Variants in POLE2 observed in about 807,000 individuals in gnomAD.
POLE2 encodes the protein DNA polymerase epsilon subunit 2.
POLE2 carries 56 observed loss-of-function variants against 79.4 expected under a neutral mutation model. The ratio of observed to expected loss-of-function variants is 0.71; its 90% CI spans 0.57 to 0.88. The LOEUF is 0.88. Ranked by LOEUF, POLE2 falls within the 40% of genes least tolerant of loss-of-function variation. The pLI is 0.00. For synonymous variants in POLE2, 212 were observed against 214.0 expected, an observed-to-expected ratio of 0.99 and a Z score of 0.08; for missense variants, 598 against 638.9, an observed-to-expected ratio of 0.94 and a Z score of 0.69.
chr14:49,646,320 T>TTTC (rs1566522699), intron 18 of POLE2, among the ~76,000 whole-genome samples: 2 of 92,902 alleles, frequency 2.2e-5, no homozygotes, highest in Non-Finnish European at 5.1e-5. Context: ...TTTTTTTTTT[T>TTTC]TTTTTTTTTT....
rs1291645682 is a variant in POLE2 at position 49,688,073 on chromosome 14, C to G, written c.68+63G>C. 10 of 1,331,562 alleles carry G rather than the reference C, an allele frequency of 7.5e-6. No individual in the cohort carries two copies. In the East Asian group the frequency reaches 2.5e-4, roughly 33 times the overall value. 82.5% of individuals were successfully genotyped at this position (1,331,562 alleles called of 1,614,324 possible). On this transcript the variant is annotated intron_variant, in intron 1 of 18. Coordinates refer to ENST00000216367, the MANE Select transcript of POLE2 (RefSeq NM_002692.4). ...GAGCCGCCGCGGTGCGTCCCGCTGC[C>G]GCACCAGGCAGACGGGCCCCAGCTC...
At chr14:49,647,252 T>G (rs750175687) in intron 18 of POLE2, 41 bp downstream of exon 18, 1 of 1,056,202 alleles carries the variant, frequency 9.5e-7, no homozygotes. Context: ...ATTTAACACC[T>G]AGAGAAAGAT....
rs145839083 is a variant in POLE2, at chr14:49,644,956, C to T, written c.1566-1286G>A. On this transcript the variant is annotated intron_variant, in intron 18 of 18. Coordinates refer to ENST00000216367, the MANE Select transcript of POLE2 (RefSeq NM_002692.4). The stretch of plus-strand genomic sequence containing the variant: ...ACTTGGGAGGCTGAGGCAGGAGAAT[C>T]GCTTGAACCCAAGAGATGGAGGTTG... Among the ~76,000 whole-genome samples the T allele has an allele frequency of 1.1e-3, 172 of 151,060 alleles. 4 individuals are homozygous for T. In the East Asian group the frequency reaches 0.019, roughly 17 times the overall value.
chr14:49,660,462 A>AT (rs927082401), intron 10 of POLE2, among the ~76,000 whole-genome samples: 142 of 147,324 alleles, frequency 9.6e-4, no homozygotes, highest in South Asian at 2.4e-3. Context: ...ATATTTTCTA[A>AT]TTTTTTTTTT....
intron 17 of POLE2, among the ~76,000 whole-genome samples, chr14:49,648,981 A>G (rs1883982999): frequency 6.6e-6 from 1 of 152,004 alleles, no homozygotes; most frequent in African/African-American, 2.4e-5. Context: ...AGATGAAACA[A>G]AAAATTAGTA....
At chr14:49,676,394 C>G (rs769405292) in intron 3 of POLE2, among the ~76,000 whole-genome samples, 3 of 152,108 alleles carry the variant, frequency 2.0e-5, no homozygotes, top group African/African-American at 4.8e-5. Flanking sequence ...TGAGGAAAAC[C>G]TAGACTCCAG....
At chr14:49,655,560 C>G (rs1219585659) in intron 11 of POLE2, 111 bp downstream of exon 11, 10 of 753,418 alleles carry the variant, frequency 1.3e-5, no homozygotes, top group East Asian at 8.3e-5. Context: ...TCATTGCTAA[C>G]TCTGTTTTTT....
At chr14:49,643,875 C>CTTT (rs11361567) in intron 18 of POLE2, among the ~76,000 whole-genome samples, 4 of 53,166 alleles carry the variant, frequency 7.5e-5, no homozygotes, top group Non-Finnish European at 1.1e-4. Context: ...AAATGTATGT[C>CTTT]TTTTTTTTTT....
intron 3 of POLE2, among the ~76,000 whole-genome samples, 180 bp from the exon 4 acceptor site, chr14:49,674,607 T>C (rs8004482): frequency 0.24 from 37,074 of 151,900 alleles, 5,516 homozygotes; most frequent in African/African-American, 0.42. Flanking sequence ...GCTATTGTTC[T>C]CCAGGCTAGA....
At chr14:49,666,188 A>G (rs921070383) in intron 7 of POLE2, 142 bp downstream of exon 7, 2 of 623,344 alleles carry the variant, frequency 3.2e-6, no homozygotes, top group Non-Finnish European at 5.8e-6. Flanking sequence ...TCCTCGTATT[A>G]CCACTATTCC....
At chr14:49,649,516 C>T (rs1884049249) in intron 17 of POLE2, among the ~76,000 whole-genome samples, 1 of 151,614 alleles carries the variant, frequency 6.6e-6, no homozygotes, top group African/African-American at 2.4e-5. Flanking sequence ...ATGGCGTGAT[C>T]TCCGCTCACT....
chr14:49,651,843 G>A (rs1224029656), intron 15 of POLE2, among the ~76,000 whole-genome samples: 1 of 152,030 alleles, frequency 6.6e-6, no homozygotes, highest in Non-Finnish European at 1.5e-5. Context: ...GAGGGACTTA[G>A]TCAAGCAGAT....
chr14:49,671,840 G>A (rs1170528659), intron 5 of POLE2, among the ~76,000 whole-genome samples: 2 of 152,026 alleles, frequency 1.3e-5, no homozygotes, highest in African/African-American at 4.8e-5. Flanking sequence ...TATAATCCCA[G>A]CTACTTGGGA....
chr14:49,674,295 CT>C lies in POLE2; in HGVS notation c.323+54del, dbSNP rs1886096662. 5 of 1,463,476 alleles carry C rather than the reference CT, an allele frequency of 3.4e-6. No individual in the cohort carries two copies. In the South Asian group the frequency reaches 4.6e-5, roughly 14 times the overall value. 90.7% of individuals were successfully genotyped at this position (1,463,476 alleles called of 1,614,324 possible). ...AAAGTGAAGCAAGAGACTATACCTT[CT>C]GAAAAAAAAAGTACATTTGAAATTA... is the stretch of plus-strand genomic sequence containing the variant. On this transcript the variant is annotated intron_variant, in intron 4 of 18. Coordinates refer to ENST00000216367, the MANE Select transcript of POLE2 (RefSeq NM_002692.4).
intron 17 of POLE2, among the ~76,000 whole-genome samples, chr14:49,649,260 C>T (rs1463926225): frequency 2.0e-5 from 3 of 147,936 alleles, no homozygotes; most frequent in East Asian, 2.0e-4. Context: ...CATTCTCCTA[C>T]CTCAGCCTCC....
intron 11 of POLE2, 39 bp downstream of exon 11, chr14:49,655,632 T>TA (rs769696717): frequency 1.6e-5 from 23 of 1,456,866 alleles, no homozygotes; most frequent in Non-Finnish European, 2.1e-5. Flanking sequence ...CATGAACCCT[T>TA]AAAAGAGTTC....
intron 18 of POLE2, among the ~76,000 whole-genome samples, chr14:49,645,096 T>A (rs911663630): frequency 6.6e-6 from 1 of 151,564 alleles, no homozygotes; most frequent in South Asian, 2.1e-4. Context: ...ATACATGATG[T>A]ACCTACTTGT....
chr14:49,647,288 C>T lies in POLE2; in HGVS notation c.1565+5G>A. ...CTTTCTTGCTGTGTCTGTGCACACA[C>T]TTACCTATCTTCTACTGTCTTATTA... On this transcript the variant is annotated splice_donor_5th_base_variant and intron_variant, in intron 18 of 18. Coordinates refer to ENST00000216367, the MANE Select transcript of POLE2 (RefSeq NM_002692.4). 3 of 1,439,362 alleles carry T rather than the reference C, an allele frequency of 2.1e-6. No homozygotes were observed. The highest frequency in any genetic ancestry group is 2.9e-6 in the Non-Finnish European group (3 of 1,041,986). 89.2% of individuals were successfully genotyped at this position (1,439,362 alleles called of 1,614,324 possible). A position where few individuals can be genotyped will look rare whatever the true frequency, so the allele number is the denominator to read the frequency against.
chr14:49,644,378 C>T (rs1218688594), intron 18 of POLE2, among the ~76,000 whole-genome samples: 1 of 151,186 alleles, frequency 6.6e-6, no homozygotes, highest in African/African-American at 2.4e-5. Context: ...GGTATGGTGA[C>T]GCATGCCTGT....
Sources: gnomAD v4.1 joint callset for allele counts (sites outside exome capture counted in the v4.1 genomes callset) on GRCh38, gnomAD v4.1.1 for gene constraint, MANE v1.5 for transcripts, NCBI Gene and HGNC (gene_info 2026-07-23, HGNC 2026-07-21) for gene names.